Variants in UBXN4 observed in about 807,000 individuals in gnomAD.
UBXN4 encodes UBX domain protein 4, also known as UBX domain-containing protein 4.
UBXN4 carries 35 observed loss-of-function variants against 66.2 expected under a neutral mutation model. The ratio of observed to expected loss-of-function variants is 0.53; its 90% CI spans 0.40 to 0.70. The LOEUF is 0.70. UBXN4 is among the 30% of genes least tolerant of loss of function. The pLI is 0.00. For synonymous variants in UBXN4, 203 were observed against 204.5 expected, an observed-to-expected ratio of 0.99 and a Z score of 0.06; for missense variants, 533 against 599.8, an observed-to-expected ratio of 0.89 and a Z score of 1.16.
rs2077265042 is a variant in UBXN4 at position 135,754,196 on chromosome 2, A to T, written c.252A>T (p.Gly84=). The change falls in exon 4 of 13, where the codon GGA becomes GGT. Residue 84 remains glycine (G), a synonymous_variant. Transcript: ENST00000272638. ...VVCVPSSFFI[G]DSGIPLEVIA... Reference sequence around the variant, plus strand: ...GTGTTCCATCCAGTTTCTTTATTGGAGACAGTGGAATTCCCTTGGAAGTAA... The same window carrying T: ...GTGTTCCATCCAGTTTCTTTATTGGTGACAGTGGAATTCCCTTGGAAGTAA... The T allele has an allele frequency of 6.2e-7, 1 of 1,613,974 alleles. No homozygotes were observed.
At position 135,784,483 on chromosome 2, in the gene UBXN4, C is replaced by T. The variant is rs1440901618; in HGVS notation, c.*1596C>T. On this transcript the variant is annotated 3_prime_UTR_variant, in exon 13 of 13. Coordinates refer to ENST00000272638, the MANE Select transcript of UBXN4 (RefSeq NM_014607.4). ...AATAGATATGTAAAGAAAGAAATCA[C>T]ACCATTAATAATGGTAAGATTGGTT... 1 of 152,218 alleles carries T rather than the reference C, an allele frequency of 6.6e-6. No homozygotes were observed. The highest frequency in any genetic ancestry group is 1.5e-5 in the Non-Finnish European group (1 of 68,024). 9.4% of individuals were successfully genotyped at this position (152,218 alleles called of 1,614,324 possible).
intron 9 of UBXN4, among the ~76,000 whole-genome samples, chr2:135,772,962 G>C (rs1026119586): frequency 2.7e-5 from 4 of 150,130 alleles, no homozygotes; most frequent in Non-Finnish European, 5.9e-5. Flanking sequence ...GCGTGAACCC[G>C]GGAGGCGGAG....
chr2:135,743,764 C>T (rs1412344615), intron 1 of UBXN4, among the ~76,000 whole-genome samples: 2 of 151,826 alleles, frequency 1.3e-5, no homozygotes, highest in Non-Finnish European at 2.9e-5. Context: ...AAAAAAGAAA[C>T]GAGAGATTTT....
Position 135,776,357 on chromosome 2 carries a change from T to C in UBXN4, c.1053+6T>C. ...CAAGGCAGTTTGCTGCACAGGTAAA[T>C]TTATGTCTTGAGTTGTAGTAAAAAT... On this transcript the variant is annotated splice_donor_region_variant and intron_variant, in intron 10 of 12. Transcript: ENST00000272638. 6.2e-7 allele frequency: 1 copy of C among 1,606,736 alleles called. No homozygotes were observed. The highest frequency in any genetic ancestry group is 8.5e-7 in the Non-Finnish European group (1 of 1,175,652).
At chr2:135,782,089 AAAC>A (rs1575325843) in intron 12 of UBXN4, among the ~76,000 whole-genome samples, 1 of 152,338 alleles carries the variant, frequency 6.6e-6, no homozygotes, top group South Asian at 2.1e-4. Flanking sequence ...AAAGAACAAA[AAAC>A]AACACTTTTT....
intron 1 of UBXN4, among the ~76,000 whole-genome samples, chr2:135,743,423 T>C (rs1446105956): frequency 2.0e-5 from 3 of 152,246 alleles, no homozygotes; most frequent in East Asian, 3.8e-4. Flanking sequence ...TTTGACATTT[T>C]AAATTGTTTT....
chr2:135,755,933 A>T (rs376070649), intron 5 of UBXN4, among the ~76,000 whole-genome samples: 1 of 152,184 alleles, frequency 6.6e-6, no homozygotes, highest in Non-Finnish European at 1.5e-5. Context: ...AATTTCTGCT[A>T]TTGCGCTGCA....
chr2:135,770,054 T>C (rs1172880335), intron 7 of UBXN4, among the ~76,000 whole-genome samples: 1 of 151,412 alleles, frequency 6.6e-6, no homozygotes, highest in Non-Finnish European at 1.5e-5. Flanking sequence ...TCTGCAATGA[T>C]TTTTTTTTAC....
rs142612251 is a variant in UBXN4, at chr2:135,751,153, G to A, written c.186-2386G>A. Among the ~76,000 whole-genome samples the A allele has an allele frequency of 2.4e-4, 34 of 140,758 alleles. 3 individuals carry two copies. Among genetic ancestry groups the A allele is most frequent in the African/African-American group, 6.9e-4 (26 of 37,834 alleles). 92.3% of individuals were successfully genotyped at this position (140,758 alleles called of 152,430 possible). On this transcript the variant is annotated intron_variant, in intron 2 of 12. Transcript: ENST00000272638. The stretch of plus-strand genomic sequence containing the variant: ...CAGGTATGAGCCACTGTGCCCGGCC[G>A]TGTCTGGCATTTTTAAAAATAAATT...
chr2:135,747,923 C>T (rs2077219646), intron 1 of UBXN4, among the ~76,000 whole-genome samples: 1 of 152,192 alleles, frequency 6.6e-6, no homozygotes, highest in African/African-American at 2.4e-5. Context: ...GCCCAGCCCA[C>T]AACTTTTATT....
intron 6 of UBXN4, among the ~76,000 whole-genome samples, chr2:135,767,087 A>C (rs2077353162): frequency 6.6e-6 from 1 of 152,110 alleles, no homozygotes; most frequent in Non-Finnish European, 1.5e-5. Flanking sequence ...CTAGTCTGGC[A>C]TGGTGGCTCA....
In UBXN4 at chr2:135,780,270, A is replaced by G; in HGVS notation, c.1273A>G (p.Ile425Val). The stretch of plus-strand genomic sequence containing the variant: ...AACAGTGCTTTATCCATTCCTTGCC[A>G]TCTGGAGATTAATTAGCAATTTCTT... ...LGTVLYPFLA[I>V]WRLISNFLFS... The change falls in exon 12 of 13, where the codon ATC becomes GTC. Residue 425 changes from isoleucine to valine, a missense_variant. By Grantham distance (29) the Ile-to-Val change is conservative. Around this residue, in one of 2 missense-constraint regions of UBXN4, gnomAD observed 529 missense variants for 580.1 expected, o/e 0.91. Coordinates refer to ENST00000272638, the MANE Select transcript of UBXN4 (RefSeq NM_014607.4). The G allele has an allele frequency of 6.2e-7, 1 of 1,614,208 alleles. No individual in the cohort carries two copies. The highest frequency in any genetic ancestry group is 8.5e-7 in the Non-Finnish European group (1 of 1,180,048).
At chr2:135,756,764 C>T (rs1455306786) in intron 5 of UBXN4, among the ~76,000 whole-genome samples, 1 of 152,060 alleles carries the variant, frequency 6.6e-6, no homozygotes, top group Non-Finnish European at 1.5e-5. Flanking sequence ...TTTAGCATTA[C>T]TTATTGTACA....
chr2:135,763,173 A>G (rs1253045074), intron 6 of UBXN4, among the ~76,000 whole-genome samples: 1 of 152,174 alleles, frequency 6.6e-6, no homozygotes, highest in Admixed American at 6.5e-5. Flanking sequence ...ACAATAACTA[A>G]TAACACCAGC....
At chr2:135,748,769 C>G (rs548674083) in intron 2 of UBXN4, among the ~76,000 whole-genome samples, 1 of 151,486 alleles carries the variant, frequency 6.6e-6, no homozygotes, top group African/African-American at 2.4e-5. Context: ...GTGGCTCATG[C>G]CTGTAATCCC....
rs1431544313 is a variant in UBXN4, at chr2:135,767,064, A to G, written c.603-2705A>G. Among the ~76,000 whole-genome samples the G allele has an allele frequency of 2.6e-5, 4 of 152,150 alleles. No individual in the cohort carries two copies. The East Asian group carries it at 7.7e-4, about 29-fold the overall frequency. ...CACCAGCACCCAGATGAAGGAATAG[A>G]AAATTACCAGTGCTAGTCTGGCATG... On this transcript the variant is annotated intron_variant, in intron 6 of 12. Transcript: ENST00000272638.
intron 1 of UBXN4, among the ~76,000 whole-genome samples, chr2:135,745,290 T>G (rs2105489752): frequency 6.6e-6 from 1 of 152,222 alleles, no homozygotes; most frequent in East Asian, 1.9e-4. Flanking sequence ...CACGTATTCC[T>G]TCTGCGTGGT....
At chr2:135,765,157 A>G (rs1164928389) in intron 6 of UBXN4, among the ~76,000 whole-genome samples, 2 of 151,900 alleles carry the variant, frequency 1.3e-5, no homozygotes, top group Non-Finnish European at 2.9e-5. Flanking sequence ...TGAAATAGGA[A>G]TCTTTTAGCG....
rs1051199445 is a variant in UBXN4, at chr2:135,780,462, C to G, written c.1388+77C>G. ...TCTTTTTTAAGTAAAAAGTTGAGTA[C>G]TTTGCCTTTCTGTATATGTCCTCTC... On this transcript the variant is annotated intron_variant, in intron 12 of 12. Coordinates refer to ENST00000272638, the MANE Select transcript of UBXN4 (RefSeq NM_014607.4). The G allele has an allele frequency of 3.5e-6, 5 of 1,428,598 alleles. No individual in the cohort carries two copies. The South Asian group carries it at 3.5e-5, about 10-fold the overall frequency. 88.5% of individuals were successfully genotyped at this position (1,428,598 alleles called of 1,614,324 possible).
Sources: allele counts gnomAD v4.1 joint callset (sites outside exome capture counted in the v4.1 genomes callset), GRCh38; gene constraint gnomAD v4.1.1; regional missense constraint gnomAD v4.1.1; transcripts MANE v1.5; gene names NCBI Gene and HGNC (gene_info 2026-07-23, HGNC 2026-07-21).